The following KIRREL3 variants were observed in gnomAD, a reference collection of about 807,000 sequenced individuals.
The protein encoded by KIRREL3 is kirre like nephrin family adhesion molecule 3.
KIRREL3 carries 36 observed loss-of-function variants against 89.7 expected under a neutral mutation model. The observed-to-expected ratio is 0.40, with a 90% CI of 0.31 to 0.53. The LOEUF (loss-of-function observed/expected upper bound fraction) is 0.53. KIRREL3 is among the 20% of genes least tolerant of loss of function. KIRREL3 has a pLI of 0.49. For missense variants in KIRREL3, 864 were observed against 1,056.6 expected (o/e 0.82, Z 2.53); for synonymous variants, 445 against 441.4 (o/e 1.01, Z -0.10).
At chr11:126,852,685 C>A (rs976501326) in intron 1 of KIRREL3, among the ~76,000 whole-genome samples, 1 of 152,192 alleles carries the variant, frequency 6.6e-6, no homozygotes, top group South Asian at 2.1e-4. Flanking sequence ...TAAGACATTA[C>A]GTCTGAGCTG....
intron 4 of KIRREL3, among the ~76,000 whole-genome samples, chr11:126,493,484 C>T (rs6590212): frequency 0.88 from 133,782 of 151,600 alleles, 59,089 homozygotes; most frequent in East Asian, 0.96. Flanking sequence ...TGAAACCCCA[C>T]CTCTACTAAA....
intron 1 of KIRREL3, among the ~76,000 whole-genome samples, chr11:126,819,367 A>G (rs1324023815): frequency 2.0e-5 from 3 of 152,216 alleles, no homozygotes; most frequent in Admixed American, 6.5e-5. Flanking sequence ...CAACTACCTG[A>G]CATCACTCTG....
At position 126,696,927 on chromosome 11, in the gene KIRREL3, T is replaced by G. The variant is rs186643797; in HGVS notation, c.56-134015A>C. ...GTCTCAGTTTCTTCATCTGTATTAA[T>G]GGAGATGACCTAAGAGCTGCCCTGA... On this transcript the variant is annotated intron_variant, in intron 1 of 16. Transcript: ENST00000525144. The surrounding 1 kb of genome is among the most constrained non-coding windows in gnomAD (Gnocchi z 4.4). 1.8e-4 allele frequency among the ~76,000 whole-genome samples: 27 copies of G among 152,328 alleles called. No homozygotes were observed. In the East Asian group the frequency reaches 4.8e-3, roughly 27 times the overall value.
chr11:126,935,643 T>C (rs1948153191), intron 1 of KIRREL3: 1 of 152,192 alleles, frequency 6.6e-6, no homozygotes, highest in African/African-American at 2.4e-5. Context: ...CTACACATAC[T>C]ATATGATTCC....
intron 1 of KIRREL3, chr11:126,936,963 G>C (rs912480250): frequency 6.6e-6 from 1 of 152,216 alleles, no homozygotes; most frequent in African/African-American, 2.4e-5. Flanking sequence ...AGGATGTCAG[G>C]AGGGTACACG....
rs1943010242 is a variant in KIRREL3 at position 126,609,040 on chromosome 11, A to G, written c.56-46128T>C. On this transcript the variant is annotated intron_variant, in intron 1 of 16. Transcript: ENST00000525144. The surrounding 1 kb of genome is among the most constrained non-coding windows in gnomAD (Gnocchi z 5.0). Reference sequence around the variant, plus strand: ...TGTGATGCAATTAGTATGCTAGGAGAATGGAAAACTAACCCGGAGACAGGG... The same window carrying G: ...TGTGATGCAATTAGTATGCTAGGAGGATGGAAAACTAACCCGGAGACAGGG... Among the ~76,000 whole-genome samples the G allele has an allele frequency of 6.6e-6, 1 of 152,160 alleles. No individual in the cohort carries two copies. The highest frequency in any genetic ancestry group is 2.4e-5 in the African/African-American group (1 of 41,438).
At chr11:126,487,585 C>G (rs943531577) in intron 4 of KIRREL3, among the ~76,000 whole-genome samples, 7 of 152,186 alleles carry the variant, frequency 4.6e-5, no homozygotes, top group Admixed American at 2.0e-4. Flanking sequence ...CCGACCTGAG[C>G]CTTCTTCTTT....
rs960296913 is a variant in KIRREL3, at chr11:126,566,205, G to T, written c.56-3293C>A. ...AAAGTTCATAGCAAGGAAGTCCAGG[G>T]TCACCTGCAGATGGGGCAGTGGAGG... On this transcript the variant is annotated intron_variant, in intron 1 of 16. Transcript: ENST00000525144. The surrounding 1 kb of genome is among the most constrained non-coding windows in gnomAD (Gnocchi z 4.9). Among the ~76,000 whole-genome samples, 1 of 152,230 alleles carries T rather than the reference G, an allele frequency of 6.6e-6. No individual in the cohort carries two copies. The highest frequency in any genetic ancestry group is 1.5e-5 in the Non-Finnish European group (1 of 68,042).
At chr11:126,753,019 A>C (rs1280985087) in intron 1 of KIRREL3, among the ~76,000 whole-genome samples, 1 of 152,170 alleles carries the variant, frequency 6.6e-6, no homozygotes, top group Non-Finnish European at 1.5e-5. Context: ...CATGGGTACA[A>C]AGATCATGAT....
In KIRREL3 at chr11:126,834,247, A is replaced by G. The variant is rs181760889; in HGVS notation, c.55+166208T>C. ...TTGCAAGCTGGGAGGTGAGGTTGTC[A>G]TAGGTCATTTGGCCCAGAATTTGGG... On this transcript the variant is annotated intron_variant, in intron 1 of 16. Transcript: ENST00000525144. Among the ~76,000 whole-genome samples, 236 of 152,284 alleles carry G rather than the reference A, an allele frequency of 1.5e-3. 1 individual carries two copies. Among genetic ancestry groups the G allele is most frequent in the African/African-American group, 5.3e-3 (219 of 41,562 alleles).
chr11:126,678,208 T>A (rs538811922), intron 1 of KIRREL3, among the ~76,000 whole-genome samples: 4 of 152,108 alleles, frequency 2.6e-5, no homozygotes, highest in Non-Finnish European at 5.9e-5. Flanking sequence ...CTGATTAATA[T>A]CTCCCATCTT....
rs982492396 is a variant in KIRREL3 at position 126,669,935 on chromosome 11, G to A, written c.56-107023C>T. Among the ~76,000 whole-genome samples the A allele has an allele frequency of 1.6e-4, 24 of 152,238 alleles. No individual in the cohort carries two copies. Among genetic ancestry groups the A allele is most frequent in the African/African-American group, 5.5e-4 (23 of 41,554 alleles). On this transcript the variant is annotated intron_variant, in intron 1 of 16. Transcript: ENST00000525144. This position sits in a 1 kb window ranked among gnomAD's most constrained non-coding sequence, Gnocchi z 5.0. ...ACATCTGTCTCTCTCCCAGTCTTCAGCATGTCAGTGCATTGCAGCACCATC... is the reference window on the plus strand; with the variant it reads ...ACATCTGTCTCTCTCCCAGTCTTCAACATGTCAGTGCATTGCAGCACCATC...
chr11:126,725,455 T>C (rs61897899), intron 1 of KIRREL3, among the ~76,000 whole-genome samples: 9,674 of 152,276 alleles, frequency 0.064, 428 homozygotes, highest in African/African-American at 0.12. Flanking sequence ...CGCATGGGCA[T>C]TTCTTTCTTG....
rs191358803 is a variant in KIRREL3, at chr11:126,473,787, C to T, written c.434-321G>A. ...TCTGTGGCCCAGGCGATGTCTGTGGCTGCTTTTTAACTTCTTTTTCCTTTT... is the reference window on the plus strand; with the variant it reads ...TCTGTGGCCCAGGCGATGTCTGTGGTTGCTTTTTAACTTCTTTTTCCTTTT... On this transcript the variant is annotated intron_variant, in intron 4 of 16. Transcript: ENST00000525144. Among the ~76,000 whole-genome samples the T allele has an allele frequency of 2.1e-3, 314 of 152,148 alleles. 3 individuals are homozygous for T. The highest frequency in any genetic ancestry group is 1.4e-3 in the Non-Finnish European group (98 of 67,972).
intron 1 of KIRREL3, among the ~76,000 whole-genome samples, chr11:126,973,652 G>GTAA (rs1229783254): frequency 6.6e-6 from 1 of 152,188 alleles, no homozygotes; most frequent in Non-Finnish European, 1.5e-5. Context: ...TTACAAGTTT[G>GTAA]TGATCTTGGG....
intron 1 of KIRREL3, among the ~76,000 whole-genome samples, chr11:126,671,652 C>T (rs1410527579): frequency 6.6e-6 from 1 of 151,400 alleles, no homozygotes; most frequent in African/African-American, 2.5e-5. Context: ...AAAGAAGATA[C>T]ACAGATGGCA....
Position 126,985,892 on chromosome 11 carries a change from G to A in KIRREL3, c.55+14563C>T, listed in dbSNP as rs1216801649. ...TGCCTTCATGACCCCCCTACTGGAT[G>A]GGAGAGAGTTAAAGCTGTTGTTTCT... On this transcript the variant is annotated intron_variant, in intron 1 of 16. Transcript: ENST00000525144. The surrounding 1 kb of genome is among the most constrained non-coding windows in gnomAD (Gnocchi z 5.3). 6.6e-6 allele frequency among the ~76,000 whole-genome samples: 1 copy of A among 152,172 alleles called. No individual in the cohort carries two copies. The highest frequency in any genetic ancestry group is 2.4e-5 in the African/African-American group (1 of 41,424).
At position 126,682,842 on chromosome 11, in the gene KIRREL3, C is replaced by T. The variant is rs1477228608; in HGVS notation, c.56-119930G>A. Among the ~76,000 whole-genome samples the T allele has an allele frequency of 6.6e-6, 1 of 152,174 alleles. No homozygotes were observed. The highest frequency in any genetic ancestry group is 1.5e-5 in the Non-Finnish European group (1 of 68,036). ...TCCTGCTGTGTAGTCTGGTTCCTAACAGGCTGAGGACCGGTACCCCGGGGC... is the reference window on the plus strand; with the variant it reads ...TCCTGCTGTGTAGTCTGGTTCCTAATAGGCTGAGGACCGGTACCCCGGGGC... On this transcript the variant is annotated intron_variant, in intron 1 of 16. Transcript: ENST00000525144. This position sits in a 1 kb window ranked among gnomAD's most constrained non-coding sequence, Gnocchi z 4.8.
intron 1 of KIRREL3, among the ~76,000 whole-genome samples, chr11:126,760,782 G>C (rs1001050386): frequency 6.6e-6 from 1 of 152,178 alleles, no homozygotes; most frequent in African/African-American, 2.4e-5. Context: ...TTCTCTCTCT[G>C]AGTCTCAGTT....
Sources: allele counts gnomAD v4.1 joint callset (sites outside exome capture counted in the v4.1 genomes callset), GRCh38; gene constraint gnomAD v4.1.1; non-coding constraint Gnocchi (gnomAD v3.1); transcripts MANE v1.5; gene names NCBI Gene and HGNC (gene_info 2026-07-23, HGNC 2026-07-21).